The following RNF135 variants were observed in gnomAD, a reference collection of about 807,000 sequenced individuals.
RNF135 encodes the protein ring finger protein 135.
RNF135 carries 46 observed loss-of-function variants against 41.9 expected under a neutral mutation model. That is an observed-to-expected ratio of 1.10 (90% CI 0.87 to 1.40). The LOEUF (loss-of-function observed/expected upper bound fraction) is 1.40, where lower values mean the gene tolerates loss of function less well. Among genes scored for constraint, RNF135 ranks in the 40% most tolerant of loss-of-function variants. The pLI is 0.00. For missense variants in RNF135, 539 were observed against 549.8 expected, an observed-to-expected ratio of 0.98 and a Z score of 0.20; for synonymous variants, 238 against 223.8, an observed-to-expected ratio of 1.06 and a Z score of -0.57.
At chr17:30,973,122 ATCTTT>A (rs1906135657) in intron 1 of RNF135, 1 of 152,172 alleles carries the variant, frequency 6.6e-6, no homozygotes, top group Non-Finnish European at 1.5e-5. Context: ...GATGTTGCCC[ATCTTT>A]TCTTGTGCTT....
chr17:30,997,366 C>T (rs762977753), intron 4 of RNF135, 35 bp downstream of exon 4: 26 of 1,572,904 alleles, frequency 1.7e-5, no homozygotes, highest in Admixed American at 6.7e-5. Flanking sequence ...ATGGGTTTGG[C>T]TTGCCGCAGA....
chr17:30,983,351 A>AT (rs1907343009), intron 1 of RNF135, among the ~76,000 whole-genome samples: 9 of 42,034 alleles, frequency 2.1e-4, no homozygotes, highest in Non-Finnish European at 4.0e-4. Flanking sequence ...ATATATATAT[A>AT]TATTTTTTTT....
chr17:30,967,016 TTAAG>T (rs1905578810), upstream of RNF135, among the ~76,000 whole-genome samples: 1 of 152,138 alleles, frequency 6.6e-6, no homozygotes, highest in South Asian at 2.1e-4. Context: ...TTGTCTATCA[TTAAG>T]TAATGTTCAT....
At chr17:30,975,032 C>G (rs7208589) in intron 1 of RNF135, among the ~76,000 whole-genome samples, 2 of 151,428 alleles carry the variant, frequency 1.3e-5, no homozygotes, top group African/African-American at 4.9e-5. Flanking sequence ...CTCACACTTA[C>G]AATCCTAGCA....
intron 4 of RNF135, among the ~76,000 whole-genome samples, chr17:30,998,111 A>C (rs564693927): frequency 7.9e-5 from 12 of 152,334 alleles, no homozygotes; most frequent in Admixed American, 5.2e-4. Flanking sequence ...GGAGTTGGCC[A>C]TGATGGCCAG....
chr17:30,983,353 A>ATATATAT (rs1420453160), intron 1 of RNF135, among the ~76,000 whole-genome samples: 11 of 35,734 alleles, frequency 3.1e-4, no homozygotes, highest in Admixed American at 9.7e-4. Context: ...ATATATATAT[A>ATATATAT]TTTTTTTTTT....
Position 30,998,655 on chromosome 17 carries a change from T to A in RNF135, c.770-7T>A, listed in dbSNP as rs749520061. ...ATGTTCTTATTGTTCTTTTTTTTTT[T>A]CCAAAGGGGCCATCCATCCAACCTT... On this transcript the variant is annotated splice_region_variant and splice_polypyrimidine_tract_variant and intron_variant, in intron 4 of 4. Transcript: ENST00000328381. 2 of 1,613,658 alleles carry A rather than the reference T, an allele frequency of 1.2e-6. No individual in the cohort carries two copies. The highest frequency in any genetic ancestry group is 3.3e-5 in the Admixed American group (2 of 59,968).
chr17:30,983,426 T>C (rs1358782582), intron 1 of RNF135, among the ~76,000 whole-genome samples: 7 of 144,952 alleles, frequency 4.8e-5, no homozygotes, highest in African/African-American at 7.6e-5. Flanking sequence ...TGATCTTGGC[T>C]CACTGCAACC....
At chr17:30,963,197 C>A in the RNF135 span, among the ~76,000 whole-genome samples, 2 of 149,652 alleles carry the variant, frequency 1.3e-5, no homozygotes, top group South Asian at 4.2e-4. Context: ...CATCCACAGA[C>A]CCCTCACCTC....
intron 1 of RNF135, chr17:30,971,842 C>T (rs1394792194): frequency 2.1e-6 from 1 of 471,746 alleles, no homozygotes; most frequent in African/African-American, 2.1e-5. Context: ...GGATGGAGTG[C>T]AATGGCGTGC....
intron 3 of RNF135, chr17:30,993,704 TTA>T: frequency 1.4e-6 from 1 of 728,596 alleles, no homozygotes; most frequent in Admixed American, 2.9e-5. Context: ...GAGTGTTAAT[TTA>T]AAAAAAAAAA....
intron 1 of RNF135, chr17:30,975,776 C>T (rs562295769): frequency 4.2e-5 from 47 of 1,110,890 alleles, no homozygotes; most frequent in Admixed American, 1.2e-4. Flanking sequence ...CTCTTTCCAG[C>T]TCATCCTGTA....
At chr17:30,962,120 A>G in the RNF135 span, among the ~76,000 whole-genome samples, 1 of 150,426 alleles carries the variant, frequency 6.6e-6, no homozygotes, top group Non-Finnish European at 1.5e-5. Context: ...TTTACAATAA[A>G]TAACTCTATG....
rs1263817914 is a variant in RNF135, at chr17:30,971,269, G to T, written c.196G>T (p.Ala66Ser). The change falls in exon 1 of 5, where the codon GCC (alanine) becomes TCC (serine). Residue 66 changes from alanine (A) to serine (S), a missense_variant. Ala to Ser is a moderately conservative substitution (Grantham distance 99, BLOSUM62 1). Around this residue, in one of 2 missense-constraint regions of RNF135, gnomAD observed 277 missense variants for 212.8 expected, o/e 1.30. Transcript: ENST00000328381. Reference protein sequence around the residue: ...RWACPTCRQGAAQQPHLRKNT... With the variant: ...RWACPTCRQGSAQQPHLRKNT... The stretch of plus-strand genomic sequence containing the variant: ...GGCCTGCCCCACTTGCCGCCAGGGC[G>T]CCGCGCAGCAGCCGCACCTGCGGAA... 18 of 1,524,156 alleles carry T rather than the reference G, an allele frequency of 1.2e-5. No individual in the cohort carries two copies. Among genetic ancestry groups the T allele is most frequent in the Non-Finnish European group, 1.6e-5 (18 of 1,140,560 alleles). 94.4% of individuals were successfully genotyped at this position (1,524,156 alleles called of 1,614,324 possible).
At chr17:30,987,627 T>A (rs1907682722) in intron 2 of RNF135, among the ~76,000 whole-genome samples, 1 of 152,204 alleles carries the variant, frequency 6.6e-6, no homozygotes, top group Non-Finnish European at 1.5e-5. Flanking sequence ...AATGTTAAAC[T>A]TTTTTGGTAT....
intron 1 of RNF135, among the ~76,000 whole-genome samples, chr17:30,979,675 CT>C (rs1906857028): frequency 7.2e-6 from 1 of 138,166 alleles, no homozygotes; most frequent in Non-Finnish European, 1.6e-5. Context: ...TCCCCCCCAC[CT>C]CCCTCCCGGA....
intron 3 of RNF135, among the ~76,000 whole-genome samples, chr17:30,990,623 C>G (rs547261008): frequency 3.9e-5 from 6 of 152,304 alleles, no homozygotes; most frequent in African/African-American, 1.2e-4. Context: ...ACTTTTATTA[C>G]CGTTTTTTTG....
chr17:30,967,004 G>A (rs1056537735), upstream of RNF135, among the ~76,000 whole-genome samples: 10 of 152,048 alleles, frequency 6.6e-5, no homozygotes, highest in Non-Finnish European at 2.9e-5. Context: ...TATTGCAAAA[G>A]TTTGTCTATC....
At chr17:30,962,815 A>T in the RNF135 span, among the ~76,000 whole-genome samples, 1 of 152,158 alleles carries the variant, frequency 6.6e-6, no homozygotes, top group East Asian at 1.9e-4. Flanking sequence ...AATAGCCATC[A>T]ACATTTGGTT....
Sources: gnomAD v4.1 joint callset for allele counts (sites outside exome capture counted in the v4.1 genomes callset) on GRCh38, gnomAD v4.1.1 for gene constraint, gnomAD v4.1.1 regional missense constraint, MANE v1.5 for transcripts, NCBI Gene and HGNC (gene_info 2026-07-23, HGNC 2026-07-21) for gene names.